The following FOXJ3 variants were observed in gnomAD, a reference collection of about 807,000 sequenced individuals.
The protein encoded by FOXJ3 is forkhead box protein J3.
In FOXJ3, 22 loss-of-function variants were observed where a neutral mutation model predicts 76.1. The ratio of observed to expected loss-of-function variants is 0.29; its 90% CI spans 0.21 to 0.41. The LOEUF is 0.41. Ranked by LOEUF, FOXJ3 falls within the 10% of genes least tolerant of loss-of-function variation. FOXJ3 has a pLI of 1.00. For synonymous variants in FOXJ3, 269 were observed against 261.2 expected (o/e 1.03, Z -0.29); for missense variants, 613 against 762.1 (o/e 0.80, Z 2.30).
chr1:42,191,234 G>A, intron 9 of FOXJ3, 69 bp downstream of exon 9: 1 of 1,420,422 alleles, frequency 7.0e-7, no homozygotes. Flanking sequence ...TACTACATGA[G>A]CTCTAAATAA....
At chr1:42,279,639 A>G (rs1254730538) in intron 2 of FOXJ3, among the ~76,000 whole-genome samples, 1 of 152,174 alleles carries the variant, frequency 6.6e-6, no homozygotes. Context: ...GAAGATAAGA[A>G]TATAGAAACA....
chr1:42,305,391 A>G (rs1452331211), intron 2 of FOXJ3, among the ~76,000 whole-genome samples: 1 of 152,210 alleles, frequency 6.6e-6, no homozygotes, highest in African/African-American at 2.4e-5. Context: ...CAACAATCCC[A>G]CTGCTGGGTA....
chr1:42,237,427 T>C (rs12078117), intron 4 of FOXJ3, among the ~76,000 whole-genome samples: 7,273 of 129,862 alleles, frequency 0.056, 571 homozygotes, highest in African/African-American at 0.18. Context: ...TATATATATA[T>C]ACATACATAC....
At chr1:42,219,563 C>T (rs1349800044) in intron 5 of FOXJ3, among the ~76,000 whole-genome samples, 1 of 152,120 alleles carries the variant, frequency 6.6e-6, no homozygotes, top group Non-Finnish European at 1.5e-5. Flanking sequence ...CATAACTTGG[C>T]CTTGCGCTTA....
intron 8 of FOXJ3, among the ~76,000 whole-genome samples, chr1:42,192,394 A>G (rs1204563033): frequency 2.0e-5 from 3 of 152,362 alleles, no homozygotes; most frequent in African/African-American, 7.2e-5. Flanking sequence ...ACAGCTACAC[A>G]GGATAGGGCC....
chr1:42,244,534 C>G (rs1354473110), intron 4 of FOXJ3, among the ~76,000 whole-genome samples: 2 of 151,436 alleles, frequency 1.3e-5, no homozygotes, highest in Non-Finnish European at 2.9e-5. Context: ...ATTAAGAAAA[C>G]AGAATAAAGG....
rs1278900236 is a variant in FOXJ3, at chr1:42,327,018, CA to C, written c.-18+8040del. Among the ~76,000 whole-genome samples the C allele has an allele frequency of 5.9e-5, 9 of 152,306 alleles. No homozygotes were observed. In the South Asian group the frequency reaches 1.0e-3, roughly 18 times the overall value. On this transcript the variant is annotated intron_variant, in intron 1 of 12. Coordinates refer to ENST00000361346, the MANE Select transcript of FOXJ3 (RefSeq NM_014947.5). ...GCCAATAGGAATATCACTATTAACACATATCACTATTAACACATATCACAAG... is the reference window on the plus strand; with the variant it reads ...GCCAATAGGAATATCACTATTAACACTATCACTATTAACACATATCACAAG...
intron 2 of FOXJ3, among the ~76,000 whole-genome samples, chr1:42,295,519 CTTTTT>C (rs34641810): frequency 1.3e-5 from 1 of 79,074 alleles, no homozygotes; most frequent in African/African-American, 5.3e-5. Context: ...CTACAAGTGT[CTTTTT>C]TTTTTTTTTT....
In FOXJ3 at chr1:42,179,837, G is replaced by A; in HGVS notation, c.1754-12C>T. On this transcript the variant is annotated splice_polypyrimidine_tract_variant and intron_variant, in intron 12 of 12. Coordinates refer to ENST00000361346, the MANE Select transcript of FOXJ3 (RefSeq NM_014947.5). ...GGCTCTGTGATGGCCTGGAAGGAAA[G>A]AGGCAATAATAGCAGCGACTTGGGT... is the stretch of plus-strand genomic sequence containing the variant. 4 of 1,582,342 alleles carry A rather than the reference G, an allele frequency of 2.5e-6. No individual in the cohort carries two copies. Among genetic ancestry groups the A allele is most frequent in the Non-Finnish European group, 3.5e-6 (4 of 1,151,200 alleles).
chr1:42,316,223 C>A (rs920601854), intron 1 of FOXJ3, among the ~76,000 whole-genome samples: 1 of 151,208 alleles, frequency 6.6e-6, no homozygotes, highest in African/African-American at 2.4e-5. Context: ...GGCTGGAGTA[C>A]AGTGGCCAGA....
At chr1:42,298,263 T>C (rs1434688985) in intron 2 of FOXJ3, among the ~76,000 whole-genome samples, 1 of 152,228 alleles carries the variant, frequency 6.6e-6, no homozygotes, top group African/African-American at 2.4e-5. Flanking sequence ...CCTTTATAAA[T>C]TACCCAGTCT....
At chr1:42,249,554 G>A (rs1446277397) in intron 4 of FOXJ3, among the ~76,000 whole-genome samples, 2 of 152,160 alleles carry the variant, frequency 1.3e-5, no homozygotes, top group African/African-American at 4.8e-5. Context: ...AACATTCAAA[G>A]ACCAATCTTA....
At chr1:42,311,639 C>T (rs142283154) in intron 1 of FOXJ3, among the ~76,000 whole-genome samples, 1,115 of 55,618 alleles carry the variant, frequency 0.02, 7 homozygotes, top group African/African-American at 0.027. Context: ...AGTTCCATTG[C>T]TTTAAAAAAA....
intron 9 of FOXJ3, 44 bp from the exon 10 acceptor site, chr1:42,189,448 G>A: frequency 7.3e-7 from 1 of 1,371,278 alleles, no homozygotes; most frequent in Non-Finnish European, 1.0e-6. Flanking sequence ...TGGTGAAAGG[G>A]TGAAGTGTGG....
chr1:42,309,928 T>C (rs1223933543), intron 2 of FOXJ3, among the ~76,000 whole-genome samples: 1 of 152,220 alleles, frequency 6.6e-6, no homozygotes, highest in Non-Finnish European at 1.5e-5. Context: ...ACTCATCTGG[T>C]GACTTCAAAA....
At chr1:42,210,375 G>A (rs1388496234) in intron 5 of FOXJ3, among the ~76,000 whole-genome samples, 1 of 152,100 alleles carries the variant, frequency 6.6e-6, no homozygotes, top group Non-Finnish European at 1.5e-5. Flanking sequence ...CCTGCCTATG[G>A]CCTGAGACAC....
intron 4 of FOXJ3, among the ~76,000 whole-genome samples, chr1:42,238,575 CTTT>C: frequency 6.6e-6 from 1 of 151,884 alleles, no homozygotes; most frequent in Admixed American, 6.6e-5. Flanking sequence ...TATTTTTTCC[CTTT>C]TTGAGATAGG....
intron 4 of FOXJ3, among the ~76,000 whole-genome samples, chr1:42,238,757 G>T (rs1022662514): frequency 6.6e-6 from 1 of 152,040 alleles, no homozygotes; most frequent in Non-Finnish European, 1.5e-5. Flanking sequence ...TGCCCAGGCT[G>T]GTCTTGAACT....
intron 2 of FOXJ3, 22 bp downstream of exon 2, chr1:42,311,028 G>GAAA (rs200511460): frequency 2.9e-5 from 35 of 1,203,034 alleles, no homozygotes; most frequent in South Asian, 6.3e-5. Flanking sequence ...TTCTAATAAA[G>GAAA]AAAAAAAAAA....
Sources: gnomAD v4.1 joint callset for allele counts (sites outside exome capture counted in the v4.1 genomes callset) on GRCh38, gnomAD v4.1.1 for gene constraint, MANE v1.5 for transcripts, NCBI Gene and HGNC (gene_info 2026-07-23, HGNC 2026-07-21) for gene names.